KHDRBS2: variants seen among roughly 807,000 people sequenced by gnomAD.
KHDRBS2 encodes the protein KH domain-containing, RNA-binding, signal transduction-associated protein 2.
KHDRBS2 carries 26 observed loss-of-function variants against 44.3 expected under a neutral mutation model. The observed-to-expected ratio is 0.59, with a 90% confidence interval of 0.43 to 0.81. KHDRBS2 has a LOEUF of 0.81. Among genes scored for constraint, KHDRBS2 ranks in the 40% least tolerant of loss-of-function variants. KHDRBS2 has a pLI of 0.00. For synonymous variants in KHDRBS2, 194 were observed against 151.1 expected (o/e 1.28, Z -2.08); for missense variants, 476 against 433.1 (o/e 1.10, Z -0.88).
intron 7 of KHDRBS2, among the ~76,000 whole-genome samples, chr6:61,721,990 A>T (rs1157714507): frequency 1.3e-5 from 2 of 149,752 alleles, no homozygotes; most frequent in South Asian, 2.1e-4. Flanking sequence ...TAGCATGAAG[A>T]GTTGTTGAAT....
intron 6 of KHDRBS2, among the ~76,000 whole-genome samples, chr6:61,869,964 G>GGTT (rs1798386615): frequency 9.2e-6 from 1 of 108,980 alleles, no homozygotes; most frequent in African/African-American, 3.8e-5. Context: ...CTGCAGGAGT[G>GGTT]TTTTTTTTTT....
chr6:61,992,929 T>C (rs774220986), intron 3 of KHDRBS2, among the ~76,000 whole-genome samples: 3 of 152,144 alleles, frequency 2.0e-5, no homozygotes, highest in African/African-American at 4.8e-5. Context: ...GCACCAGAGA[T>C]GCCTGCGAAC....
chr6:62,156,739 T>A (rs1181627246), intron 2 of KHDRBS2, among the ~76,000 whole-genome samples: 2 of 152,016 alleles, frequency 1.3e-5, no homozygotes, highest in Admixed American at 1.3e-4. Context: ...TGGCGTGATC[T>A]CGGCTCACTG....
the KHDRBS2 span, among the ~76,000 whole-genome samples, chr6:61,603,159 T>C: frequency 6.6e-6 from 1 of 152,202 alleles, no homozygotes; most frequent in South Asian, 2.1e-4. Flanking sequence ...CAGCATGGCC[T>C]TTTAAAGCCT....
At chr6:61,954,909 C>T (rs111066610) in intron 4 of KHDRBS2, among the ~76,000 whole-genome samples, 10,654 of 34,240 alleles carry the variant, frequency 0.31, 888 homozygotes, top group Middle Eastern at 0.5. Context: ...CATATGTGTG[C>T]ATACATATAT....
the KHDRBS2 span, among the ~76,000 whole-genome samples, chr6:61,640,785 G>T: frequency 6.6e-6 from 1 of 152,130 alleles, no homozygotes; most frequent in Non-Finnish European, 1.5e-5. Flanking sequence ...AACCTTTCTT[G>T]AATAGACATA....
intron 2 of KHDRBS2, among the ~76,000 whole-genome samples, chr6:62,106,222 T>G (rs1249796886): frequency 6.6e-6 from 1 of 152,062 alleles, no homozygotes; most frequent in Non-Finnish European, 1.5e-5. Flanking sequence ...TTGGAATAGG[T>G]GTGGTGTGAT....
the KHDRBS2 span, among the ~76,000 whole-genome samples, chr6:61,657,277 A>C: frequency 6.6e-6 from 1 of 152,026 alleles, no homozygotes; most frequent in Non-Finnish European, 1.5e-5. Context: ...TATTTTCAAA[A>C]GTAGAACAAT....
chr6:61,562,874 T>C, the KHDRBS2 span, among the ~76,000 whole-genome samples: 1 of 152,182 alleles, frequency 6.6e-6, no homozygotes, highest in Non-Finnish European at 1.5e-5. Context: ...CAAGTCCTCT[T>C]ACATGAGGAT....
chr6:62,028,839 C>T (rs979718145), intron 3 of KHDRBS2, among the ~76,000 whole-genome samples: 23 of 152,088 alleles, frequency 1.5e-4, no homozygotes, highest in African/African-American at 3.6e-4. Flanking sequence ...ATTTACTTGT[C>T]GACACATGTG....
chr6:61,785,159 A>C (rs985314452), intron 6 of KHDRBS2, among the ~76,000 whole-genome samples: 1 of 151,942 alleles, frequency 6.6e-6, no homozygotes, highest in South Asian at 2.1e-4. Flanking sequence ...TAAAAAAACA[A>C]ACAAACAAAC....
chr6:61,664,891 G>A, the KHDRBS2 span, among the ~76,000 whole-genome samples: 1 of 151,488 alleles, frequency 6.6e-6, no homozygotes, highest in Non-Finnish European at 1.5e-5. Flanking sequence ...GTGTGTCTAT[G>A]GTGTTACAAC....
chr6:61,839,466 A>C (rs1194934813), intron 6 of KHDRBS2, among the ~76,000 whole-genome samples: 2 of 152,140 alleles, frequency 1.3e-5, no homozygotes, highest in African/African-American at 4.8e-5. Flanking sequence ...CTAATATCCA[A>C]ATAGGCAAAT....
At chr6:61,945,112 AG>A (rs1158519625) in intron 4 of KHDRBS2, among the ~76,000 whole-genome samples, 6,738 of 48,022 alleles carry the variant, frequency 0.14, 990 homozygotes, top group Non-Finnish European at 0.16. Flanking sequence ...AAAAAAAAAA[AG>A]TATATATATA....
chr6:62,136,764 T>C (rs192354110), intron 2 of KHDRBS2, among the ~76,000 whole-genome samples: 67 of 152,226 alleles, frequency 4.4e-4, no homozygotes, highest in Admixed American at 1.8e-3. Flanking sequence ...CAAACACTTA[T>C]CAACCATTTT....
At chr6:61,582,119 G>T in the KHDRBS2 span, among the ~76,000 whole-genome samples, 2 of 151,738 alleles carry the variant, frequency 1.3e-5, no homozygotes, top group African/African-American at 4.8e-5. Flanking sequence ...TGATCTAAAA[G>T]TTTTTATATT....
the KHDRBS2 span, among the ~76,000 whole-genome samples, chr6:61,612,160 A>G: frequency 3.9e-5 from 6 of 152,176 alleles, no homozygotes; most frequent in African/African-American, 1.2e-4. Flanking sequence ...AAAGTTTGCT[A>G]CAGTGAAAGC....
intron 7 of KHDRBS2, among the ~76,000 whole-genome samples, chr6:61,710,123 C>T (rs970801192): frequency 2.0e-5 from 3 of 151,524 alleles, no homozygotes; most frequent in African/African-American, 7.3e-5. Context: ...ATTTAAATGA[C>T]CAGAGTCTGG....
chr6:61,860,426 G>A (rs190187406), intron 6 of KHDRBS2, among the ~76,000 whole-genome samples: 1 of 152,076 alleles, frequency 6.6e-6, no homozygotes, highest in African/African-American at 2.4e-5. Context: ...ATGTGTCCAT[G>A]TGCTCTCATT....
Sources: allele counts gnomAD v4.1 joint callset (sites outside exome capture counted in the v4.1 genomes callset), GRCh38; gene constraint gnomAD v4.1.1; transcripts MANE v1.5; gene names NCBI Gene and HGNC (gene_info 2026-07-23, HGNC 2026-07-21).